The following COL22A1 variants were observed in gnomAD, a reference collection of about 807,000 sequenced individuals.
COL22A1 encodes the protein collagen alpha-1(XXII) chain.
COL22A1 carries 221 observed loss-of-function variants against 248.9 expected under a neutral mutation model. The ratio of observed to expected loss-of-function variants is 0.89; its 90% confidence interval spans 0.80 to 0.99. COL22A1 has a LOEUF of 0.99. Among genes scored for constraint, COL22A1 ranks in the 50% least tolerant of loss-of-function variants. COL22A1 has a pLI of 0.00. For synonymous variants in COL22A1, 891 were observed against 793.4 expected, an observed-to-expected ratio of 1.12 and a Z score of -2.07; for missense variants, 2,240 against 2,179.0, an observed-to-expected ratio of 1.03 and a Z score of -0.56.
In COL22A1 at chr8:138,762,342, T is replaced by C. The variant is rs932901163; in HGVS notation, c.1857+71A>G. ...GGTGCTGAGGCTCTGTGGAGCTTTATGTGGGGTCTGGTCATTCCCATCCTC... is the reference window on the plus strand; with the variant it reads ...GGTGCTGAGGCTCTGTGGAGCTTTACGTGGGGTCTGGTCATTCCCATCCTC... On this transcript the variant is annotated intron_variant, in intron 17 of 64. Transcript: ENST00000303045. 4.1e-6 allele frequency: 6 copies of C among 1,478,320 alleles called. No homozygotes were observed. In the African/African-American group the frequency reaches 8.3e-5, roughly 20 times the overall value. 91.6% of individuals were successfully genotyped at this position (1,478,320 alleles called of 1,614,324 possible). A position where few individuals can be genotyped will look rare whatever the true frequency, so the allele number is the denominator to read the frequency against.
chr8:138,898,681 C>T (rs545636823), intron 1 of COL22A1, among the ~76,000 whole-genome samples: 1 of 152,292 alleles, frequency 6.6e-6, no homozygotes, highest in Admixed American at 6.5e-5. Context: ...TGAAGACAAG[C>T]TTTGTTCCCA....
intron 11 of COL22A1, among the ~76,000 whole-genome samples, chr8:138,798,818 T>A (rs1211374152): frequency 2.0e-5 from 3 of 152,152 alleles, no homozygotes; most frequent in African/African-American, 7.2e-5. Context: ...TAAGTGTGTA[T>A]CTCTTTTGTG....
At chr8:138,626,634 T>C (rs1820263424) in intron 50 of COL22A1, among the ~76,000 whole-genome samples, 1 of 152,172 alleles carries the variant, frequency 6.6e-6, no homozygotes, top group South Asian at 2.1e-4. Context: ...ATACAGCACA[T>C]ACCTCAGGAC....
chr8:138,756,275 T>C (rs961569934), intron 18 of COL22A1, among the ~76,000 whole-genome samples: 9 of 152,176 alleles, frequency 5.9e-5, no homozygotes, highest in African/African-American at 2.2e-4. Context: ...ATTCAATAAG[T>C]ATTTATCAAA....
At chr8:138,694,761 C>A in intron 33 of COL22A1, 65 bp downstream of exon 33, 1 of 1,572,090 alleles carries the variant, frequency 6.4e-7, no homozygotes, top group South Asian at 1.1e-5. Flanking sequence ...TACAGCTGGT[C>A]AGCCTTTGGA....
chr8:138,742,510 GATGATGGTAGTA>G (rs1831690045), intron 22 of COL22A1, among the ~76,000 whole-genome samples: 19 of 152,068 alleles, frequency 1.2e-4, no homozygotes, highest in African/African-American at 4.4e-4. Context: ...TAGAGTTGAT[GATGATGGTAGTA>G]GTGATTGTGA....
intron 12 of COL22A1, among the ~76,000 whole-genome samples, chr8:138,788,711 G>A (rs1330636984): frequency 1.3e-5 from 2 of 152,170 alleles, no homozygotes; most frequent in South Asian, 2.1e-4. Flanking sequence ...CCTCATTAAT[G>A]CTGAGGGCGC....
chr8:138,754,432 C>T (rs1480279935), intron 21 of COL22A1, among the ~76,000 whole-genome samples: 5 of 152,186 alleles, frequency 3.3e-5, no homozygotes, highest in African/African-American at 1.2e-4. Flanking sequence ...AATATATCCT[C>T]ATAAAGAGTG....
At chr8:138,907,813 T>G (rs1162258996) in intron 1 of COL22A1, among the ~76,000 whole-genome samples, 3 of 152,068 alleles carry the variant, frequency 2.0e-5, no homozygotes, top group African/African-American at 7.2e-5. Flanking sequence ...ACAGGCCAAA[T>G]TCATCTTATA....
chr8:138,807,057 G>A (rs1817785731), intron 10 of COL22A1, among the ~76,000 whole-genome samples: 2 of 152,078 alleles, frequency 1.3e-5, no homozygotes, highest in South Asian at 2.1e-4. Context: ...ATAGGGGGGA[G>A]AACAGAGTGG....
At chr8:138,769,644 C>T (rs1258374311) in intron 16 of COL22A1, among the ~76,000 whole-genome samples, 1 of 152,162 alleles carries the variant, frequency 6.6e-6, no homozygotes, top group Non-Finnish European at 1.5e-5. Flanking sequence ...CCTGAGATCT[C>T]GAGCTGCCAA....
chr8:138,651,159 C>G (rs1822698059), intron 45 of COL22A1, among the ~76,000 whole-genome samples: 2 of 152,170 alleles, frequency 1.3e-5, no homozygotes, highest in Non-Finnish European at 2.9e-5. Flanking sequence ...AAGTCTCCCC[C>G]TCCAAGAAGA....
In COL22A1 at chr8:138,645,061, G is replaced by A. The variant is rs78292460; in HGVS notation, c.3501+1568C>T. ...TCACATTATAATTGAGCTCATCCACGCAAAGCTATCTTCAGTAGGGACTTT... is the reference window on the plus strand; with the variant it reads ...TCACATTATAATTGAGCTCATCCACACAAAGCTATCTTCAGTAGGGACTTT... On this transcript the variant is annotated intron_variant, in intron 47 of 64. Transcript: ENST00000303045. Among the ~76,000 whole-genome samples the A allele has an allele frequency of 2.7e-3, 412 of 152,252 alleles. 2 individuals carry two copies. The highest frequency in any genetic ancestry group is 9.1e-3 in the African/African-American group (378 of 41,566).
chr8:138,617,619 G>A (rs763626299), intron 53 of COL22A1, among the ~76,000 whole-genome samples: 2 of 152,170 alleles, frequency 1.3e-5, no homozygotes, highest in Non-Finnish European at 2.9e-5. Context: ...TGCACTTAGT[G>A]GATGTAAAGC....
At position 138,717,942 on chromosome 8, in the gene COL22A1, C is replaced by T. The variant is rs115164693; in HGVS notation, c.2356-1073G>A. Among the ~76,000 whole-genome samples the T allele has an allele frequency of 5.1e-3, 783 of 152,228 alleles. 8 individuals are homozygous for T. The highest frequency in any genetic ancestry group is 0.018 in the African/African-American group (731 of 41,542). On this transcript the variant is annotated intron_variant, in intron 27 of 64. Coordinates refer to ENST00000303045, the MANE Select transcript of COL22A1 (RefSeq NM_152888.3). The stretch of plus-strand genomic sequence containing the variant: ...ACAATGTATTTCTAATATTCATATG[C>T]TATTTACTAAAACCTTTAGTGTAGA...
At chr8:138,646,492 C>T (rs1227036121) in intron 47 of COL22A1, 137 bp downstream of exon 47, 1 of 584,162 alleles carries the variant, frequency 1.7e-6, no homozygotes, top group African/African-American at 1.9e-5. Context: ...TAGTCAGTGC[C>T]ATGCTTAGAC....
chr8:138,908,374 T>C (rs1363980722), intron 1 of COL22A1, among the ~76,000 whole-genome samples: 2 of 152,238 alleles, frequency 1.3e-5, no homozygotes, highest in African/African-American at 4.8e-5. Flanking sequence ...GCAGATACTG[T>C]TGCACTTGTA....
chr8:138,691,026 C>A (rs1405445407), intron 35 of COL22A1, 152 bp from the exon 36 acceptor site: 8 of 577,416 alleles, frequency 1.4e-5, no homozygotes, highest in Non-Finnish European at 1.8e-5. Context: ...ACCTCCTCTC[C>A]GGAGGGCTGT....
At chr8:138,729,477 C>T (rs889330153) in intron 23 of COL22A1, among the ~76,000 whole-genome samples, 1 of 152,170 alleles carries the variant, frequency 6.6e-6, no homozygotes, top group African/African-American at 2.4e-5. Flanking sequence ...TGATGCTGTA[C>T]ACTTCGGAAA....
Sources: gnomAD v4.1 joint callset for allele counts (sites outside exome capture counted in the v4.1 genomes callset) on GRCh38, gnomAD v4.1.1 for gene constraint, MANE v1.5 for transcripts, NCBI Gene and HGNC (gene_info 2026-07-23, HGNC 2026-07-21) for gene names.